Variants in MED12L observed in about 807,000 individuals in gnomAD.
The protein encoded by MED12L is mediator complex subunit 12L.
Under a neutral mutation model 281.3 loss-of-function variants are expected in MED12L, and 60 were observed. The observed-to-expected ratio is 0.21, with a 90% CI of 0.17 to 0.26. The LOEUF (loss-of-function observed/expected upper bound fraction) is 0.26. MED12L is among the 10% of genes least tolerant of loss of function. The pLI is 1.00. For missense variants in MED12L, 2,146 were observed against 2,680.9 expected, an observed-to-expected ratio of 0.80 and a Z score of 4.41; for synonymous variants, 974 against 987.2, an observed-to-expected ratio of 0.99 and a Z score of 0.25.
At chr3:151,185,539 C>T (rs1723154964) in intron 12 of MED12L, 78 bp downstream of exon 12, 1 of 1,470,102 alleles carries the variant, frequency 6.8e-7, no homozygotes, top group Non-Finnish European at 9.2e-7. Context: ...TTTCTCTTAC[C>T]CTCATTATGT....
At chr3:151,182,229 A>G (rs576802848) in intron 11 of MED12L, among the ~76,000 whole-genome samples, 20 of 152,284 alleles carry the variant, frequency 1.3e-4, no homozygotes, top group African/African-American at 4.1e-4. Flanking sequence ...ACTTTTTAAA[A>G]TTCGTTCAGA....
intron 5 of MED12L, among the ~76,000 whole-genome samples, chr3:151,148,934 A>G (rs758837863): frequency 1.3e-5 from 2 of 152,192 alleles, no homozygotes; most frequent in Non-Finnish European, 2.9e-5. Flanking sequence ...CTATTTAGCT[A>G]TATTAGAGAC....
intron 2 of MED12L, among the ~76,000 whole-genome samples, chr3:151,091,002 T>C (rs942911405): frequency 1.3e-5 from 2 of 151,976 alleles, no homozygotes; most frequent in African/African-American, 4.8e-5. Context: ...GATTGTGCCA[T>C]TGCACTCCAG....
chr3:151,127,770 T>C, intron 4 of MED12L, 55 bp from the exon 5 acceptor site: 3 of 1,286,940 alleles, frequency 2.3e-6, no homozygotes, highest in Non-Finnish European at 3.3e-6. Flanking sequence ...TAGGTTTATC[T>C]AGTGATGAAC....
chr3:151,285,021 C>G (rs1041227730), intron 16 of MED12L, among the ~76,000 whole-genome samples: 4 of 152,166 alleles, frequency 2.6e-5, no homozygotes, highest in African/African-American at 9.7e-5. Flanking sequence ...GTTTGTGTCC[C>G]TCTAATATTT....
Position 151,357,254 on chromosome 3 carries a change from A to G in MED12L, c.2703A>G (p.Leu901=), listed in dbSNP as rs887626540. 25 of 1,613,398 alleles carry G rather than the reference A, an allele frequency of 1.5e-5. No individual in the cohort carries two copies. The highest frequency in any genetic ancestry group is 1.8e-5 in the Non-Finnish European group (21 of 1,179,722). The change falls in exon 20 of 45, where the codon CTA becomes CTG. Residue 901 remains leucine, a synonymous_variant. Coordinates refer to ENST00000687756, the MANE Select transcript of MED12L (RefSeq NM_001393769.1). ...ELSVVEAELL[L]KSSSLAGSYT... ...GTGTTGTGGAAGCTGAACTGCTCCT[A>G]AAATCCTCCAGCCTGGCAGGAAGTT...
At chr3:151,210,137 A>T (rs1473133030) in intron 16 of MED12L, among the ~76,000 whole-genome samples, 1 of 152,212 alleles carries the variant, frequency 6.6e-6, no homozygotes, top group Non-Finnish European at 1.5e-5. Flanking sequence ...CACCCTCCAG[A>T]TAATTTTTTC....
chr3:151,120,686 A>C (rs770037256), intron 3 of MED12L, among the ~76,000 whole-genome samples: 1 of 152,266 alleles, frequency 6.6e-6, no homozygotes, highest in Non-Finnish European at 1.5e-5. Flanking sequence ...GGAAGGACAC[A>C]TAAGAAATGA....
intron 17 of MED12L, 81 bp from the exon 18 acceptor site, chr3:151,355,040 A>G: frequency 3.0e-6 from 3 of 989,470 alleles, no homozygotes; most frequent in Non-Finnish European, 4.8e-6. Flanking sequence ...TGTATGCTAT[A>G]CTTTAAAAAA....
chr3:151,163,637 AGGTTCCTGTT>A (rs1720294039), intron 8 of MED12L, among the ~76,000 whole-genome samples: 1 of 152,136 alleles, frequency 6.6e-6, no homozygotes, highest in Non-Finnish European at 1.5e-5. Flanking sequence ...AAGTTCCTTC[AGGTTCCTGTT>A]GGAGTATTAG....
At chr3:151,320,001 T>C (rs1010744384) in intron 16 of MED12L, among the ~76,000 whole-genome samples, 2 of 152,202 alleles carry the variant, frequency 1.3e-5, no homozygotes, top group African/African-American at 4.8e-5. Flanking sequence ...ATGAACTCTT[T>C]ATTCTGTTTT....
chr3:151,375,970 C>CATATATATATGTATAT, intron 27 of MED12L, 56 bp from the exon 28 acceptor site: 1 of 811,842 alleles, frequency 1.2e-6, no homozygotes, highest in Non-Finnish European at 1.8e-6. Flanking sequence ...GTACATATTG[C>CATATATATATGTATAT]ATATATATAT....
At chr3:151,425,213 T>G (rs1718745781) in intron 43 of MED12L, among the ~76,000 whole-genome samples, 1 of 152,200 alleles carries the variant, frequency 6.6e-6, no homozygotes, top group South Asian at 2.1e-4. Context: ...CAGCATATGC[T>G]TTCGCTGACG....
At chr3:151,192,090 C>T (rs1202983112) in intron 14 of MED12L, among the ~76,000 whole-genome samples, 1 of 152,098 alleles carries the variant, frequency 6.6e-6, no homozygotes, top group Non-Finnish European at 1.5e-5. Context: ...AAACATTTGT[C>T]TTAATTTATT....
intron 38 of MED12L, 126 bp downstream of exon 38, chr3:151,390,261 T>C (rs899124050): frequency 1.4e-5 from 12 of 861,720 alleles, no homozygotes; most frequent in Non-Finnish European, 2.0e-5. Context: ...GACATTTCTG[T>C]AATTCCCTTC....
rs557632428 is a variant in MED12L, at chr3:151,322,352, AT to A, written c.2251-27697del. On this transcript the variant is annotated intron_variant, in intron 16 of 44. Transcript: ENST00000687756. ...AGGTGCATGCCACCAGGCCCAGGTA[AT>A]TTTTTTTTTATTTTTTTATTTTTTG... Among the ~76,000 whole-genome samples the A allele has an allele frequency of 3.7e-3, 552 of 149,970 alleles. 4 individuals carry two copies. Among genetic ancestry groups the A allele is most frequent in the Middle Eastern group, 0.014 (4 of 294 alleles).
chr3:151,321,650 A>G (rs1560025511), intron 16 of MED12L, among the ~76,000 whole-genome samples: 1 of 152,234 alleles, frequency 6.6e-6, no homozygotes, highest in Non-Finnish European at 1.5e-5. Context: ...TTCTGTTATT[A>G]TGCCTCAGGA....
intron 16 of MED12L, among the ~76,000 whole-genome samples, chr3:151,271,273 C>A (rs531458452): frequency 9.9e-5 from 15 of 152,230 alleles, no homozygotes; most frequent in Middle Eastern, 3.4e-3. Flanking sequence ...AGATTCTCAG[C>A]CTCACTTGTC....
At chr3:151,295,510 C>T (rs1744964783) in intron 16 of MED12L, among the ~76,000 whole-genome samples, 2 of 152,050 alleles carry the variant, frequency 1.3e-5, no homozygotes, top group African/African-American at 2.4e-5. Flanking sequence ...ATTCTTACTC[C>T]CATGTTTGAT....
Sources: allele counts gnomAD v4.1 joint callset (sites outside exome capture counted in the v4.1 genomes callset), GRCh38; gene constraint gnomAD v4.1.1; transcripts MANE v1.5; gene names NCBI Gene and HGNC (gene_info 2026-07-23, HGNC 2026-07-21).